USP18: variants seen among roughly 807,000 people sequenced by gnomAD.
The protein encoded by USP18 is ubiquitin specific peptidase 18.
In USP18, 11 loss-of-function variants were observed where a neutral mutation model predicts 48.7. The ratio of observed to expected loss-of-function variants is 0.23; its 90% CI spans 0.14 to 0.37. The LOEUF is 0.37. Among genes scored for constraint, USP18 ranks in the 10% least tolerant of loss-of-function variants. The probability of loss-of-function intolerance (pLI) is 1.00; values close to 1 mark genes in which losing one functional copy is unlikely to be tolerated. For synonymous variants in USP18, 114 were observed against 163.2 expected (o/e 0.70, Z 2.30); for missense variants, 285 against 436.4 (o/e 0.65, Z 3.09).
chr22:18,161,797 G>A lies in USP18; in HGVS notation c.262G>A (p.Val88Met). The A allele has an allele frequency of 1.9e-6, 3 of 1,599,710 alleles. No homozygotes were observed. The highest frequency in any genetic ancestry group is 2.6e-6 in the Non-Finnish European group (3 of 1,173,716). ...GCTGTTCTTGTGTGGCAGGATCACG[G>A]TGCCCAGGGGAGCTGACGAGCAGAG... The part of the protein sequence containing the change: ...DFTRILKRIT[V>M]PRGADEQRRS... Residue 88 changes from valine to methionine, a missense_variant, in exon 4 of 11, where the codon GTG (valine) becomes ATG (methionine). Physicochemically the swap from Val to Met is conservative, Grantham distance 21. This residue lies in a region of USP18 where 199 missense variants were observed against 239.6 expected (regional missense o/e 0.83). Coordinates refer to ENST00000215794, the MANE Select transcript of USP18 (RefSeq NM_017414.4).
chr22:18,164,574 C>T (rs565668671), intron 4 of USP18, among the ~76,000 whole-genome samples: 16,526 of 150,822 alleles, frequency 0.11, 824 homozygotes, highest in African/African-American at 0.15. Context: ...CTCATTGGCT[C>T]CAGGTGCAGG....
At chr22:18,172,972 C>T (rs1929676034) in intron 8 of USP18, among the ~76,000 whole-genome samples, 178 bp from the exon 9 acceptor site, 2 of 151,218 alleles carry the variant, frequency 1.3e-5, no homozygotes, top group Non-Finnish European at 2.9e-5. Context: ...TGAGCCTTCG[C>T]AGTTCAGGAT....
At chr22:18,175,213 A>G (rs1278371911) in intron 10 of USP18, among the ~76,000 whole-genome samples, 3 of 152,122 alleles carry the variant, frequency 2.0e-5, no homozygotes, top group Non-Finnish European at 4.4e-5. Flanking sequence ...AAATATTTTT[A>G]TAATCATTAA....
intron 2 of USP18, among the ~76,000 whole-genome samples, chr22:18,158,231 T>C (rs1929225693): frequency 1.3e-5 from 2 of 152,086 alleles, no homozygotes; most frequent in African/African-American, 2.4e-5. Flanking sequence ...GAGGTTGCAG[T>C]GAGCTGAGAT....
chr22:18,173,924 C>T, intron 10 of USP18, 82 bp downstream of exon 10: 8 of 1,497,522 alleles, frequency 5.3e-6, no homozygotes, highest in Admixed American at 1.9e-5. Context: ...ATGGATTCCC[C>T]TGTTACTAAC....
chr22:18,174,277 G>C (rs913689894), intron 10 of USP18, among the ~76,000 whole-genome samples: 1 of 150,374 alleles, frequency 6.7e-6, no homozygotes, highest in African/African-American at 2.5e-5. Flanking sequence ...CCGGGCTGGA[G>C]TGTAGTGGCA....
intron 10 of USP18, among the ~76,000 whole-genome samples, chr22:18,174,472 C>T (rs1478995410): frequency 2.0e-5 from 3 of 152,272 alleles, no homozygotes; most frequent in South Asian, 4.1e-4. Context: ...CCTCATGATC[C>T]ACCTGCCTCA....
At chr22:18,162,286 GGT>G (rs1491505009) in intron 4 of USP18, among the ~76,000 whole-genome samples, 1 of 148,338 alleles carries the variant, frequency 6.7e-6, no homozygotes, top group Non-Finnish European at 1.5e-5. Context: ...AAATAGGTTA[GGT>G]TTTTTTTTTT....
intron 3 of USP18, among the ~76,000 whole-genome samples, 193 bp downstream of exon 3, chr22:18,160,461 T>G (rs1602523888): frequency 6.6e-6 from 1 of 151,620 alleles, no homozygotes; most frequent in East Asian, 2.0e-4. Flanking sequence ...CCACCATGCC[T>G]GGCTAATTTT....
At chr22:18,153,060 T>C (rs1032705869) in intron 1 of USP18, among the ~76,000 whole-genome samples, 1 of 152,210 alleles carries the variant, frequency 6.6e-6, no homozygotes, top group African/African-American at 2.4e-5. Context: ...AGAACAACTG[T>C]TTATAACTAT....
rs1371679642 is a variant in USP18, at chr22:18,157,614, C to G, written c.-50C>G. 2 of 1,612,052 alleles carry G rather than the reference C, an allele frequency of 1.2e-6. No individual in the cohort carries two copies. The highest frequency in any genetic ancestry group is 2.2e-5 in the South Asian group (2 of 90,906). ...TTCCTGGAAGTGAAGTCGTGCTGTCCTGAACGCGGGCCAGGCAGCTGCGGC... is the reference window on the plus strand; with the variant it reads ...TTCCTGGAAGTGAAGTCGTGCTGTCGTGAACGCGGGCCAGGCAGCTGCGGC... On this transcript the variant is annotated 5_prime_UTR_variant, in exon 2 of 11. Coordinates refer to ENST00000215794, the MANE Select transcript of USP18 (RefSeq NM_017414.4).
intron 4 of USP18, among the ~76,000 whole-genome samples, chr22:18,163,761 A>T (rs1291423504): frequency 6.6e-6 from 1 of 152,222 alleles, no homozygotes; most frequent in Non-Finnish European, 1.5e-5. Flanking sequence ...CACTCGGAGC[A>T]CCTGTTGACC....
At chr22:18,167,138 G>T (rs1929496407) in intron 4 of USP18, 117 bp from the exon 5 acceptor site, 9 of 1,204,310 alleles carry the variant, frequency 7.5e-6, no homozygotes, top group Non-Finnish European at 1.1e-5. Flanking sequence ...GCCTTGCAGT[G>T]GGGTGGAGGG....
At chr22:18,153,913 A>C (rs2123725320) in intron 1 of USP18, among the ~76,000 whole-genome samples, 1 of 152,178 alleles carries the variant, frequency 6.6e-6, no homozygotes, top group South Asian at 2.1e-4. Flanking sequence ...TAATGGCTGA[A>C]TAACATCCCA....
rs146902426 is a variant in USP18, at chr22:18,168,257, A to G, written c.627+221A>G. Among the ~76,000 whole-genome samples the G allele has an allele frequency of 7.6e-3, 1,163 of 152,266 alleles. 14 individuals are homozygous for G. Among genetic ancestry groups the G allele is most frequent in the African/African-American group, 0.026 (1,089 of 41,542 alleles). ...GCATCACATGGCGAGGGGGCTGAGC[A>G]TGCTAATGTGCCAGCTCAAATCTCT... is the stretch of plus-strand genomic sequence containing the variant. On this transcript the variant is annotated intron_variant, in intron 6 of 10. Coordinates refer to ENST00000215794, the MANE Select transcript of USP18 (RefSeq NM_017414.4).
At chr22:18,156,428 C>T (rs1345046760) in intron 1 of USP18, among the ~76,000 whole-genome samples, 3 of 152,230 alleles carry the variant, frequency 2.0e-5, no homozygotes, top group East Asian at 1.9e-4. Flanking sequence ...CTTGCTACTG[C>T]TCACTCTTTG....
intron 1 of USP18, among the ~76,000 whole-genome samples, chr22:18,154,961 C>T (rs1055460506): frequency 1.3e-5 from 2 of 152,204 alleles, no homozygotes; most frequent in South Asian, 2.1e-4. Context: ...GGACCCTAAG[C>T]CCATGACTGC....
rs143687080 is a variant in USP18, at chr22:18,166,136, C to T, written c.401-1119C>T. 2.4e-3 allele frequency among the ~76,000 whole-genome samples: 373 copies of T among 152,280 alleles called. 1 individual carries two copies. Among genetic ancestry groups the T allele is most frequent in the African/African-American group, 8.6e-3 (358 of 41,544 alleles). ...TAGGTACTGTGTTCAGCTTTCCTTCCGTCCTCAGTCTGGAGAACCTCAATC... is the reference window on the plus strand; with the variant it reads ...TAGGTACTGTGTTCAGCTTTCCTTCTGTCCTCAGTCTGGAGAACCTCAATC... On this transcript the variant is annotated intron_variant, in intron 4 of 10. Transcript: ENST00000215794.
intron 10 of USP18, among the ~76,000 whole-genome samples, chr22:18,175,419 T>G (rs544047272): frequency 6.6e-6 from 1 of 150,720 alleles, no homozygotes; most frequent in African/African-American, 2.5e-5. Context: ...CCTTCTACTT[T>G]TCATCTTTCT....
Sources: gnomAD v4.1 joint callset for allele counts (sites outside exome capture counted in the v4.1 genomes callset) on GRCh38, gnomAD v4.1.1 for gene constraint, gnomAD v4.1.1 regional missense constraint, MANE v1.5 for transcripts, NCBI Gene and HGNC (gene_info 2026-07-23, HGNC 2026-07-21) for gene names.